COLEC10: variants seen among roughly 807,000 people sequenced by gnomAD.
The protein encoded by COLEC10 is collectin-10.
Under a neutral mutation model 28.4 loss-of-function variants are expected in COLEC10, and 22 were observed. The ratio of observed to expected loss-of-function variants is 0.78; its 90% CI spans 0.55 to 1.11. COLEC10 has a LOEUF of 1.11. Among genes scored for constraint, COLEC10 ranks in the 50% least tolerant of loss-of-function variants. The probability of loss-of-function intolerance (pLI) is 0.00; values close to 1 mark genes in which losing one functional copy is unlikely to be tolerated. For missense variants in COLEC10, 361 were observed against 344.1 expected, an observed-to-expected ratio of 1.05 and a Z score of -0.39; for synonymous variants, 125 against 116.1, an observed-to-expected ratio of 1.08 and a Z score of -0.49.
chr8:119,011,371 G>A (rs977465084), intron 2 of COLEC10, among the ~76,000 whole-genome samples: 2 of 150,856 alleles, frequency 1.3e-5, no homozygotes, highest in Non-Finnish European at 2.9e-5. Context: ...ACACTGTTTT[G>A]AGTAGTGTAG....
intron 1 of COLEC10, among the ~76,000 whole-genome samples, chr8:119,087,081 T>C (rs533174005): frequency 2.6e-5 from 4 of 152,358 alleles, no homozygotes; most frequent in East Asian, 1.9e-4. Flanking sequence ...TGATAGATTG[T>C]ATGTCAAGTG....
chr8:118,982,128 A>C, the COLEC10 span, among the ~76,000 whole-genome samples: 1 of 152,090 alleles, frequency 6.6e-6, no homozygotes, highest in Non-Finnish European at 1.5e-5. Flanking sequence ...AAGTGTTCTG[A>C]TTGCTAAGGA....
rs1038613389 is a variant in COLEC10 at position 119,083,528 on chromosome 8, C to CA, written c.149-6146dup. ...GGAGTGGATACCAAGAAAATGAAAG[C>CA]AAAAAATGCTCAGTATGCTTGCAAT... On this transcript the variant is annotated intron_variant, in intron 1 of 5. Coordinates refer to ENST00000332843, the MANE Select transcript of COLEC10 (RefSeq NM_006438.5). 5.5e-4 allele frequency among the ~76,000 whole-genome samples: 83 copies of CA among 151,952 alleles called. 1 individual carries two copies. Among genetic ancestry groups the CA allele is most frequent in the Non-Finnish European group, 9.4e-4 (64 of 67,968 alleles).
chr8:118,985,733 T>G, the COLEC10 span, among the ~76,000 whole-genome samples: 1 of 151,900 alleles, frequency 6.6e-6, no homozygotes, highest in Admixed American at 6.6e-5. Flanking sequence ...GGTCTAGAAA[T>G]TATTAGGAAA....
At chr8:119,010,527 C>A (rs188332215) in intron 2 of COLEC10, among the ~76,000 whole-genome samples, 1 of 150,914 alleles carries the variant, frequency 6.6e-6, no homozygotes, top group Non-Finnish European at 1.5e-5. Context: ...TATCAAGGAA[C>A]ACAATTACTA....
intron 2 of COLEC10, among the ~76,000 whole-genome samples, chr8:119,059,504 T>G (rs1814817770): frequency 6.6e-6 from 1 of 152,088 alleles, no homozygotes; most frequent in Non-Finnish European, 1.5e-5. Flanking sequence ...TAACAATCAA[T>G]GAACCATTAA....
chr8:119,104,869 G>A (rs1177129481), intron 5 of COLEC10, among the ~76,000 whole-genome samples: 1 of 152,162 alleles, frequency 6.6e-6, no homozygotes, highest in Non-Finnish European at 1.5e-5. Context: ...GAACATTTTA[G>A]TGGTCATAGA....
At chr8:119,000,315 G>A (rs1360336020) in intron 1 of COLEC10, among the ~76,000 whole-genome samples, 2 of 152,162 alleles carry the variant, frequency 1.3e-5, no homozygotes, top group Admixed American at 1.3e-4. Context: ...GGGGAAATGA[G>A]TTTCCTAGAG....
At chr8:119,031,817 A>G (rs1814293820) in intron 2 of COLEC10, among the ~76,000 whole-genome samples, 1 of 152,238 alleles carries the variant, frequency 6.6e-6, no homozygotes, top group Non-Finnish European at 1.5e-5. Context: ...CCTTAATTCA[A>G]CTTGCAATGA....
the COLEC10 span, chr8:118,952,331 G>A: frequency 6.2e-6 from 1 of 161,224 alleles, no homozygotes; most frequent in East Asian, 1.8e-4. Context: ...AGATCCGGAC[G>A]CAGTTGGAGT....
chr8:119,091,314 G>C, intron 3 of COLEC10, 94 bp downstream of exon 3: 1 of 859,206 alleles, frequency 1.2e-6, no homozygotes, highest in African/African-American at 1.7e-5. Context: ...CTCAGAGACC[G>C]AGGTGGGAGG....
At chr8:118,954,540 G>A in the COLEC10 span, among the ~76,000 whole-genome samples, 2 of 152,252 alleles carry the variant, frequency 1.3e-5, no homozygotes, top group African/African-American at 4.8e-5. Context: ...TCATCTTCCT[G>A]TGACAGATCC....
intron 2 of COLEC10, among the ~76,000 whole-genome samples, chr8:119,062,090 G>A (rs1718247787): frequency 6.6e-6 from 1 of 152,058 alleles, no homozygotes; most frequent in African/African-American, 2.4e-5. Flanking sequence ...AATGTACTAT[G>A]TGTCCCTGCT....
intron 2 of COLEC10, among the ~76,000 whole-genome samples, chr8:119,044,369 A>G (rs1814552136): frequency 1.3e-5 from 2 of 152,220 alleles, no homozygotes; most frequent in South Asian, 4.1e-4. Flanking sequence ...GTACTTGAAA[A>G]TGAGTAAGAC....
intron 1 of COLEC10, among the ~76,000 whole-genome samples, chr8:119,006,738 AT>A (rs57098770): frequency 1.0e-4 from 15 of 149,686 alleles, no homozygotes; most frequent in East Asian, 5.9e-4. Flanking sequence ...ATCTTTACCC[AT>A]TTTTTTTTAT....
chr8:119,047,322 A>G (rs2130168076), intron 2 of COLEC10, among the ~76,000 whole-genome samples: 1 of 152,298 alleles, frequency 6.6e-6, no homozygotes, highest in South Asian at 2.1e-4. Flanking sequence ...TCATGGACTC[A>G]TTTCAACTGT....
At chr8:119,093,335 A>C (rs1815648292) in intron 3 of COLEC10, among the ~76,000 whole-genome samples, 1 of 152,166 alleles carries the variant, frequency 6.6e-6, no homozygotes, top group Admixed American at 6.5e-5. Context: ...TTCAGCCTGC[A>C]TTCGGAGGCA....
upstream of COLEC10, among the ~76,000 whole-genome samples, chr8:118,994,114 T>A (rs188153048): frequency 3.3e-3 from 498 of 152,290 alleles, 3 homozygotes; most frequent in African/African-American, 0.011. Flanking sequence ...CTGAATACAA[T>A]AGCTTGGATT....
chr8:119,074,471 C>A (rs957862524), intron 1 of COLEC10, among the ~76,000 whole-genome samples: 1 of 152,074 alleles, frequency 6.6e-6, no homozygotes, highest in Non-Finnish European at 1.5e-5. Flanking sequence ...GATCATATTG[C>A]CCACCTCAAA....
Sources: gnomAD v4.1 joint callset for allele counts (sites outside exome capture counted in the v4.1 genomes callset) on GRCh38, gnomAD v4.1.1 for gene constraint, MANE v1.5 for transcripts, NCBI Gene and HGNC (gene_info 2026-07-23, HGNC 2026-07-21) for gene names.